Variants in TMEM132B observed in about 807,000 individuals in gnomAD.
TMEM132B encodes transmembrane protein 132B.
TMEM132B carries 18 observed loss-of-function variants against 90.8 expected under a neutral mutation model. The observed-to-expected ratio is 0.20, with a 90% CI of 0.14 to 0.29. The LOEUF (loss-of-function observed/expected upper bound fraction) is 0.29. TMEM132B is among the 10% of genes least tolerant of loss of function. TMEM132B has a pLI of 1.00. For missense variants in TMEM132B, 1,096 were observed against 1,326.8 expected (o/e 0.83, Z 2.70); for synonymous variants, 504 against 523.3 (o/e 0.96, Z 0.50).
intron 1 of TMEM132B, among the ~76,000 whole-genome samples, chr12:125,325,688 TG>T (rs1876543903): frequency 6.8e-6 from 1 of 147,142 alleles, no homozygotes; most frequent in African/African-American, 2.6e-5. Flanking sequence ...TGTGTGTGTG[TG>T]TGTGTGTGTG....
At chr12:125,428,053 A>G (rs1158675228) in intron 3 of TMEM132B, among the ~76,000 whole-genome samples, 1 of 151,910 alleles carries the variant, frequency 6.6e-6, no homozygotes, top group Non-Finnish European at 1.5e-5. Context: ...ATTGGAATGC[A>G]GTGGCATGAC....
At chr12:125,210,950 G>A (rs965244429) in intron 1 of TMEM132B, among the ~76,000 whole-genome samples, 12 of 152,028 alleles carry the variant, frequency 7.9e-5, no homozygotes, top group South Asian at 2.1e-4. Flanking sequence ...GTGACAGAAC[G>A]AAACCCTGTC....
intron 1 of TMEM132B, among the ~76,000 whole-genome samples, chr12:125,291,445 T>TGAAGTGCTA (rs1220956184): frequency 5.3e-5 from 8 of 152,134 alleles, no homozygotes; most frequent in Non-Finnish European, 1.0e-4. Context: ...TAGAGGGGTT[T>TGAAGTGCTA]GAAGTGCTAG....
chr12:125,397,167 T>G (rs141915263), intron 2 of TMEM132B, among the ~76,000 whole-genome samples: 3,173 of 152,082 alleles, frequency 0.021, 104 homozygotes, highest in African/African-American at 0.072. Context: ...GAGATGGGGT[T>G]TCATCATGTT....
At chr12:125,627,402 C>T (rs1350653093) in intron 5 of TMEM132B, among the ~76,000 whole-genome samples, 1 of 151,946 alleles carries the variant, frequency 6.6e-6, no homozygotes, top group African/African-American at 2.4e-5. Context: ...TATTTCATCT[C>T]AGAAGATACT....
intron 1 of TMEM132B, among the ~76,000 whole-genome samples, chr12:125,327,937 C>T (rs898808641): frequency 7.9e-5 from 12 of 152,056 alleles, no homozygotes; most frequent in African/African-American, 7.3e-5. Context: ...ATTTTGGCAC[C>T]GGGGGTCTTG....
At chr12:125,469,351 T>C (rs189523913) in intron 3 of TMEM132B, among the ~76,000 whole-genome samples, 36 of 152,292 alleles carry the variant, frequency 2.4e-4, no homozygotes, top group Admixed American at 2.4e-3. Flanking sequence ...AAGTTATAAG[T>C]GATGTTATTT....
At chr12:125,569,553 A>G (rs1033794322) in intron 4 of TMEM132B, among the ~76,000 whole-genome samples, 6 of 152,194 alleles carry the variant, frequency 3.9e-5, no homozygotes, top group African/African-American at 7.2e-5. Flanking sequence ...TACCTTCCCT[A>G]TGGGACTTAG....
At chr12:125,561,377 A>T (rs6489005) in intron 4 of TMEM132B, among the ~76,000 whole-genome samples, 2 of 150,930 alleles carry the variant, frequency 1.3e-5, no homozygotes, top group East Asian at 2.0e-4. Flanking sequence ...GTCAGGGGGT[A>T]GGGGGCTAGG....
intron 1 of TMEM132B, among the ~76,000 whole-genome samples, chr12:125,328,926 A>G (rs550892011): frequency 1.3e-5 from 2 of 152,242 alleles, no homozygotes; most frequent in South Asian, 2.1e-4. Flanking sequence ...GCTTTGCTCT[A>G]TCCTCCCTGC....
intron 3 of TMEM132B, 65 bp from the exon 4 acceptor site, chr12:125,519,374 A>G: frequency 6.8e-7 from 1 of 1,464,092 alleles, no homozygotes; most frequent in Non-Finnish European, 9.3e-7. Context: ...GCAATTTATT[A>G]CATTCTTGAC....
intron 1 of TMEM132B, among the ~76,000 whole-genome samples, chr12:125,316,926 T>C (rs1876297239): frequency 6.6e-6 from 1 of 152,222 alleles, no homozygotes; most frequent in Non-Finnish European, 1.5e-5. Flanking sequence ...GATAAATAAG[T>C]ACATCTCTTT....
At chr12:125,381,116 C>A (rs1293651639) in intron 2 of TMEM132B, among the ~76,000 whole-genome samples, 2 of 152,216 alleles carry the variant, frequency 1.3e-5, no homozygotes, top group Middle Eastern at 3.2e-3. Context: ...AGCCCCATTC[C>A]AGCTCTGTGG....
intron 5 of TMEM132B, chr12:125,584,599 A>G (rs957177567): frequency 6.5e-6 from 1 of 152,864 alleles, no homozygotes; most frequent in Middle Eastern, 3.4e-3. Context: ...CCCATGTGCC[A>G]CCTAACTGAA....
At chr12:125,572,680 A>G (rs1413286003) in intron 4 of TMEM132B, among the ~76,000 whole-genome samples, 2 of 152,228 alleles carry the variant, frequency 1.3e-5, no homozygotes, top group Non-Finnish European at 2.9e-5. Flanking sequence ...CACTATGAAA[A>G]TGTCCTGTTT....
At chr12:125,332,359 G>C (rs1876802051) in intron 1 of TMEM132B, among the ~76,000 whole-genome samples, 1 of 152,008 alleles carries the variant, frequency 6.6e-6, no homozygotes, top group African/African-American at 2.4e-5. Flanking sequence ...TTCTTCCTCT[G>C]AGATCTGGCA....
intron 4 of TMEM132B, among the ~76,000 whole-genome samples, chr12:125,561,831 A>G (rs989440859): frequency 3.9e-5 from 6 of 152,104 alleles, no homozygotes; most frequent in South Asian, 2.1e-4. Flanking sequence ...GGTAAAGTAG[A>G]TTTAGCATTA....
intron 3 of TMEM132B, among the ~76,000 whole-genome samples, chr12:125,518,940 G>A (rs11612176): frequency 0.13 from 19,556 of 152,206 alleles, 1,747 homozygotes; most frequent in Admixed American, 0.3. Context: ...ACACCCATGA[G>A]GTCCCCACTA....
chr12:125,388,815 G>C (rs2136298154), intron 2 of TMEM132B, among the ~76,000 whole-genome samples: 1 of 152,292 alleles, frequency 6.6e-6, no homozygotes, highest in East Asian at 1.9e-4. Context: ...TGTGGATATT[G>C]TTTCTGAAAA....
Sources: allele counts gnomAD v4.1 joint callset (sites outside exome capture counted in the v4.1 genomes callset), GRCh38; gene constraint gnomAD v4.1.1; transcripts MANE v1.5; gene names NCBI Gene and HGNC (gene_info 2026-07-23, HGNC 2026-07-21).